The following RGL1 variants were observed in gnomAD, a reference collection of about 807,000 sequenced individuals.
RGL1 encodes the protein ral guanine nucleotide dissociation stimulator like 1, also known as ral guanine nucleotide dissociation stimulator-like 1.
A neutral mutation model predicts 95.2 loss-of-function variants in RGL1; 24 were observed. That is an observed-to-expected ratio of 0.25 (90% CI 0.18 to 0.35). The LOEUF (loss-of-function observed/expected upper bound fraction) is 0.35. RGL1 is among the 10% of genes least tolerant of loss of function. The pLI, the probability that RGL1 is intolerant of heterozygous loss-of-function variation, is 1.00. For missense variants in RGL1, 715 were observed against 936.3 expected, an observed-to-expected ratio of 0.76 and a Z score of 3.08; for synonymous variants, 329 against 344.9, an observed-to-expected ratio of 0.95 and a Z score of 0.51.
Position 183,926,329 on chromosome 1 carries a change from G to C in RGL1, c.*37G>C. On this transcript the variant is annotated 3_prime_UTR_variant, in exon 18 of 18. Coordinates refer to ENST00000360851, the MANE Select transcript of RGL1 (RefSeq NM_001297671.3). Reference sequence around the variant, plus strand: ...AGTGGCCCCTTGTTTGCCAAAGGCAGAGTGGGGCTGAGAAACAGGCTGCGG... The same window carrying C: ...AGTGGCCCCTTGTTTGCCAAAGGCACAGTGGGGCTGAGAAACAGGCTGCGG... The C allele has an allele frequency of 1.3e-6, 2 of 1,558,512 alleles. No individual in the cohort carries two copies. Among genetic ancestry groups the C allele is most frequent in the Non-Finnish European group, 1.7e-6 (2 of 1,147,008 alleles).
At chr1:183,696,082 C>G (rs1159039627) in intron 1 of RGL1, among the ~76,000 whole-genome samples, 1 of 152,148 alleles carries the variant, frequency 6.6e-6, no homozygotes, top group Non-Finnish European at 1.5e-5. Flanking sequence ...AAGCCCAGTC[C>G]AATTACCATC....
chr1:183,905,912 C>A (rs1668293977), intron 13 of RGL1, among the ~76,000 whole-genome samples: 1 of 152,174 alleles, frequency 6.6e-6, no homozygotes, highest in Admixed American at 6.5e-5. Flanking sequence ...ACAGCCCGTT[C>A]ATTTACATCT....
intron 12 of RGL1, among the ~76,000 whole-genome samples, chr1:183,902,937 A>C (rs2102702654): frequency 6.6e-6 from 1 of 152,294 alleles, no homozygotes; most frequent in East Asian, 1.9e-4. Context: ...CTTTACAATT[A>C]GCTTCAGCAA....
At chr1:183,837,984 G>A (rs1237260622) in intron 2 of RGL1, among the ~76,000 whole-genome samples, 1 of 152,174 alleles carries the variant, frequency 6.6e-6, no homozygotes, top group Non-Finnish European at 1.5e-5. Context: ...CCACTCACCT[G>A]CTGCTGTGAG....
chr1:183,925,502 G>A (rs1669563469), intron 17 of RGL1, among the ~76,000 whole-genome samples: 1 of 151,928 alleles, frequency 6.6e-6, no homozygotes, highest in Non-Finnish European at 1.5e-5. Context: ...ATAAAATAAA[G>A]ATATGCACGT....
Position 183,805,248 on chromosome 1 carries a change from C to T in RGL1, c.-50C>T, listed in dbSNP as rs1388791746. ...AGCCCAGCAGACATTGCGTTGGCCT[C>T]CGAGCAGGGCGCATCATGCAGCGTT... On this transcript the variant is annotated 5_prime_UTR_variant, in exon 1 of 18. Coordinates refer to ENST00000360851, the MANE Select transcript of RGL1 (RefSeq NM_001297671.3). 2 of 1,605,132 alleles carry T rather than the reference C, an allele frequency of 1.2e-6. No homozygotes were observed. The highest frequency in any genetic ancestry group is 1.7e-6 in the Non-Finnish European group (2 of 1,176,476).
intron 1 of RGL1, among the ~76,000 whole-genome samples, chr1:183,687,776 A>G (rs1395857148): frequency 6.6e-6 from 1 of 152,226 alleles, no homozygotes; most frequent in Non-Finnish European, 1.5e-5. Context: ...CTTTGAATAA[A>G]GAGGAACTCG....
At chr1:183,754,965 A>G (rs1658241343) in intron 2 of RGL1, 1 of 151,796 alleles carries the variant, frequency 6.6e-6, no homozygotes, top group Non-Finnish European at 1.5e-5. Flanking sequence ...TGTATTAAAA[A>G]AGATATTTTA....
At chr1:183,700,445 A>G (rs1380984489) in intron 1 of RGL1, among the ~76,000 whole-genome samples, 9 of 148,360 alleles carry the variant, frequency 6.1e-5, no homozygotes, top group Non-Finnish European at 1.0e-4. Context: ...TTTTTTTTTT[A>G]ATTTGACTTT....
rs137881163 is a variant in RGL1, at chr1:183,876,340, G to T, written c.426-4276G>T. 3.7e-3 allele frequency among the ~76,000 whole-genome samples: 561 copies of T among 152,362 alleles called. 3 individuals are homozygous for T. The highest frequency in any genetic ancestry group is 0.01 in the Middle Eastern group (3 of 294). The stretch of plus-strand genomic sequence containing the variant: ...CTTCCCCTATAGACGATTGCAGTCG[G>T]TTGGAAAAGAATCACACACTACAAA... On this transcript the variant is annotated intron_variant, in intron 4 of 17. Coordinates refer to ENST00000360851, the MANE Select transcript of RGL1 (RefSeq NM_001297671.3).
intron 1 of RGL1, among the ~76,000 whole-genome samples, chr1:183,708,247 G>A (rs1249814988): frequency 6.6e-6 from 1 of 152,060 alleles, no homozygotes; most frequent in African/African-American, 2.4e-5. Context: ...CATAACGGAG[G>A]GTAGGCTCGG....
At chr1:183,704,319 T>C (rs1024824223) in intron 1 of RGL1, among the ~76,000 whole-genome samples, 3 of 152,054 alleles carry the variant, frequency 2.0e-5, no homozygotes, top group Non-Finnish European at 4.4e-5. Context: ...GATGGAAGAG[T>C]GTGAGTGCAC....
chr1:183,893,791 A>C (rs1401814370), intron 9 of RGL1, among the ~76,000 whole-genome samples: 2 of 152,102 alleles, frequency 1.3e-5, no homozygotes, highest in African/African-American at 2.4e-5. Flanking sequence ...CTGTCTCTCT[A>C]CTGGTCTGTA....
chr1:183,894,315 G>A (rs573372929), intron 9 of RGL1, among the ~76,000 whole-genome samples: 141 of 152,326 alleles, frequency 9.3e-4, no homozygotes, highest in African/African-American at 3.1e-3. Context: ...AGACATTAAA[G>A]ATCCCATAAA....
At chr1:183,925,184 G>C (rs912562501) in intron 17 of RGL1, among the ~76,000 whole-genome samples, 15 of 152,172 alleles carry the variant, frequency 9.9e-5, no homozygotes, top group African/African-American at 3.4e-4. Context: ...TTGGAGAAGA[G>C]ACCTATCCTG....
In RGL1 at chr1:183,894,320, C is replaced by T. The variant is rs1219918558; in HGVS notation, c.1140+2159C>T. Reference sequence around the variant, plus strand: ...AGCTGTATCTAGACATTAAAGATCCCATAAACCTTTCTTAAATGCAGAAGT... The same window carrying T: ...AGCTGTATCTAGACATTAAAGATCCTATAAACCTTTCTTAAATGCAGAAGT... On this transcript the variant is annotated intron_variant, in intron 9 of 17. Coordinates refer to ENST00000360851, the MANE Select transcript of RGL1 (RefSeq NM_001297671.3). 2.6e-5 allele frequency among the ~76,000 whole-genome samples: 4 copies of T among 152,298 alleles called. No homozygotes were observed. In the South Asian group the frequency reaches 8.3e-4, roughly 32 times the overall value.
At chr1:183,886,048 A>G (rs1173808155) in intron 7 of RGL1, among the ~76,000 whole-genome samples, 3 of 152,052 alleles carry the variant, frequency 2.0e-5, no homozygotes, top group Non-Finnish European at 4.4e-5. Flanking sequence ...TCTGGGCTCT[A>G]TGGGTAAACT....
chr1:183,649,996 A>G (rs1650600367), intron 1 of RGL1, among the ~76,000 whole-genome samples: 1 of 151,806 alleles, frequency 6.6e-6, no homozygotes. Flanking sequence ...ATTTTTTAGG[A>G]GGGATACAGT....
chr1:183,781,282 T>C (rs1277513171), intron 2 of RGL1, among the ~76,000 whole-genome samples: 1 of 152,218 alleles, frequency 6.6e-6, no homozygotes, highest in Non-Finnish European at 1.5e-5. Flanking sequence ...GAGATCAATT[T>C]CTTCTATGTA....
Sources: allele counts gnomAD v4.1 joint callset (sites outside exome capture counted in the v4.1 genomes callset), GRCh38; gene constraint gnomAD v4.1.1; transcripts MANE v1.5; gene names NCBI Gene and HGNC (gene_info 2026-07-23, HGNC 2026-07-21).